The following RAB23 variants were observed in gnomAD, a reference collection of about 807,000 sequenced individuals.
RAB23 encodes the protein RAB23, member RAS oncogene family.
RAB23 carries 15 observed loss-of-function variants against 30.0 expected under a neutral mutation model. That is an observed-to-expected ratio of 0.50 (90% CI 0.33 to 0.77). The LOEUF is 0.77. Among genes scored for constraint, RAB23 ranks in the 30% least tolerant of loss-of-function variants. RAB23 has a pLI of 0.02. For missense variants in RAB23, 243 were observed against 275.4 expected (o/e 0.88, Z 0.83); for synonymous variants, 93 against 94.0 (o/e 0.99, Z 0.06).
intron 3 of RAB23, among the ~76,000 whole-genome samples, chr6:57,199,933 G>A (rs1029304458): frequency 6.6e-6 from 1 of 152,050 alleles, no homozygotes; most frequent in African/African-American, 2.4e-5. Context: ...TTGTCAAACT[G>A]TGATTCATCA....
intron 3 of RAB23, among the ~76,000 whole-genome samples, chr6:57,196,910 G>C (rs142571897): frequency 2.7e-3 from 404 of 152,132 alleles, no homozygotes; most frequent in African/African-American, 9.3e-3. Context: ...TACCTCAAAA[G>C]CATACACATT....
intron 1 of RAB23, among the ~76,000 whole-genome samples, chr6:57,214,001 G>A (rs1765748484): frequency 6.6e-6 from 1 of 151,990 alleles, no homozygotes; most frequent in Non-Finnish European, 1.5e-5. Flanking sequence ...CCTCACTGGG[G>A]AGAAATGAAG....
rs1446803696 is a variant in RAB23, at chr6:57,187,688, T to TAAGG, written c.*2769_*2772dup. 1 of 152,182 alleles carries TAAGG rather than the reference T, an allele frequency of 6.6e-6. No homozygotes were observed. The highest frequency in any genetic ancestry group is 6.5e-5 in the Admixed American group (1 of 15,272). 9.4% of individuals were successfully genotyped at this position (152,182 alleles called of 1,614,324 possible). A position where few individuals can be genotyped will look rare whatever the true frequency, so the allele number is the denominator to read the frequency against. ...AGGTCCTAAGGCCAACTCCCTATTC[T>TAAGG]AAGGTCTTCAGAAAAGGTCCAGTTT... On this transcript the variant is annotated 3_prime_UTR_variant, in exon 7 of 7. Coordinates refer to ENST00000468148, the MANE Select transcript of RAB23 (RefSeq NM_016277.5).
chr6:57,193,965 G>A (rs1009077008), intron 5 of RAB23, 31 bp from the exon 6 acceptor site: 17 of 1,599,954 alleles, frequency 1.1e-5, no homozygotes, highest in Non-Finnish European at 1.4e-5. Flanking sequence ...CCAGAACCAG[G>A]TCAATGATTT....
chr6:57,201,084 C>CTTTTTTTTTTTTTTT (rs201367113), intron 3 of RAB23, among the ~76,000 whole-genome samples: 1 of 136,906 alleles, frequency 7.3e-6, no homozygotes. Flanking sequence ...TTTTCTCTCT[C>CTTTTTTTTTTTTTTT]TCTTTTTTTT....
At chr6:57,200,191 A>T (rs1765191891) in intron 3 of RAB23, among the ~76,000 whole-genome samples, 1 of 143,100 alleles carries the variant, frequency 7.0e-6, no homozygotes, top group Admixed American at 7.0e-5. Context: ...CACTTCAAGA[A>T]TTTTTTTTTT....
chr6:57,188,638 G>GTT lies in RAB23; in HGVS notation c.*1821_*1822dup, dbSNP rs1321975447. The GTT allele has an allele frequency of 1.3e-5, 2 of 152,160 alleles. No individual in the cohort carries two copies. Among genetic ancestry groups the GTT allele is most frequent in the African/African-American group, 2.4e-5 (1 of 41,448 alleles). The allele number at this position is 152,160 out of a possible 1,614,324, so 9.4% of individuals were successfully genotyped here. A position where few individuals can be genotyped will look rare whatever the true frequency, so the allele number is the denominator to read the frequency against. Reference sequence around the variant, plus strand: ...AGATGACTCATTAGCAGTATCCACTGTTTGTTAGGAACTGAATTTTGCCCC... The same window carrying GTT: ...AGATGACTCATTAGCAGTATCCACTGTTTTTGTTAGGAACTGAATTTTGCCCC... On this transcript the variant is annotated 3_prime_UTR_variant, in exon 7 of 7. Transcript: ENST00000468148.
chr6:57,217,028 C>T (rs1386161008), intron 1 of RAB23, among the ~76,000 whole-genome samples: 3 of 152,048 alleles, frequency 2.0e-5, no homozygotes, highest in African/African-American at 7.2e-5. Flanking sequence ...GGAACCAGAT[C>T]TACTGACCTC....
intron 1 of RAB23, among the ~76,000 whole-genome samples, chr6:57,218,048 A>G (rs968716749): frequency 1.3e-5 from 2 of 152,212 alleles, no homozygotes; most frequent in African/African-American, 4.8e-5. Flanking sequence ...CCATTTGAAT[A>G]CCCCTATAAC....
intron 5 of RAB23, among the ~76,000 whole-genome samples, 162 bp from the exon 6 acceptor site, chr6:57,194,096 A>G (rs998103552): frequency 1.3e-4 from 20 of 152,146 alleles, no homozygotes; most frequent in African/African-American, 4.8e-4. Flanking sequence ...TTATTTGGGC[A>G]GTATCTGAGT....
At chr6:57,217,804 C>T (rs575132175) in intron 1 of RAB23, among the ~76,000 whole-genome samples, 1 of 152,078 alleles carries the variant, frequency 6.6e-6, no homozygotes, top group South Asian at 2.1e-4. Context: ...AAACAAAAAG[C>T]TGGCTTTTTG....
chr6:57,208,949 A>T (rs1233024376), intron 2 of RAB23, among the ~76,000 whole-genome samples: 1 of 152,192 alleles, frequency 6.6e-6, no homozygotes, highest in Admixed American at 6.5e-5. Flanking sequence ...GACCAACAGC[A>T]CTATAACTCG....
Position 57,194,760 on chromosome 6 carries a change from G to A in RAB23, c.481+10C>T, listed in dbSNP as rs546078370. The stretch of plus-strand genomic sequence containing the variant: ...CTTTTTGCAATCTATATCCTTTAAA[G>A]GTAATTTACCTTCATTCACATTTAG... On this transcript the variant is annotated intron_variant, in intron 5 of 6. Coordinates refer to ENST00000468148, the MANE Select transcript of RAB23 (RefSeq NM_016277.5). 1.4e-5 allele frequency: 22 copies of A among 1,584,682 alleles called. No homozygotes were observed. Among genetic ancestry groups the A allele is most frequent in the Non-Finnish European group, 1.8e-5 (21 of 1,154,400 alleles).
chr6:57,203,846 A>G (rs1335140685), intron 3 of RAB23, among the ~76,000 whole-genome samples: 1 of 152,186 alleles, frequency 6.6e-6, no homozygotes, highest in Non-Finnish European at 1.5e-5. Flanking sequence ...AGCCACAGAG[A>G]ATAACCAAAG....
At chr6:57,192,028 GAGAC>G (rs1458223630) in intron 6 of RAB23, among the ~76,000 whole-genome samples, 4 of 151,410 alleles carry the variant, frequency 2.6e-5, no homozygotes, top group Non-Finnish European at 5.9e-5. Context: ...TTTTTTTTAA[GAGAC>G]AGGATATTGC....
chr6:57,210,468 T>C, intron 1 of RAB23, 23 bp from the exon 2 acceptor site: 2 of 1,368,038 alleles, frequency 1.5e-6, no homozygotes, highest in Non-Finnish European at 2.1e-6. Flanking sequence ...ATGAAATTAT[T>C]TTTTCATAAC....
At chr6:57,193,668 C>CA (rs1764919681) in intron 6 of RAB23, among the ~76,000 whole-genome samples, 174 bp downstream of exon 6, 3 of 152,024 alleles carry the variant, frequency 2.0e-5, no homozygotes, top group Admixed American at 2.0e-4. Context: ...AATTCAATGG[C>CA]AAAAAAACCC....
At chr6:57,197,094 G>T (rs145608890) in intron 3 of RAB23, among the ~76,000 whole-genome samples, 1 of 152,132 alleles carries the variant, frequency 6.6e-6, no homozygotes, top group East Asian at 1.9e-4. Flanking sequence ...GCAGATTTAA[G>T]AAAAATTTAT....
At chr6:57,220,459 G>A (rs963728543) in intron 1 of RAB23, among the ~76,000 whole-genome samples, 54 of 152,302 alleles carry the variant, frequency 3.5e-4, no homozygotes, top group African/African-American at 1.3e-3. Context: ...GGTATTTATA[G>A]CAGATTGATT....
Sources: allele counts gnomAD v4.1 joint callset (sites outside exome capture counted in the v4.1 genomes callset), GRCh38; gene constraint gnomAD v4.1.1; transcripts MANE v1.5; gene names NCBI Gene and HGNC (gene_info 2026-07-23, HGNC 2026-07-21).